The following HORMAD1 variants were observed in gnomAD, a reference collection of about 807,000 sequenced individuals.
HORMAD1 encodes the protein HORMA domain containing 1.
In HORMAD1, 33 loss-of-function variants were observed where a neutral mutation model predicts 58.2. The observed-to-expected ratio is 0.57, with a 90% confidence interval of 0.43 to 0.76. The LOEUF (loss-of-function observed/expected upper bound fraction) is 0.76, where lower values mean the gene tolerates loss of function less well. Among genes scored for constraint, HORMAD1 ranks in the 30% least tolerant of loss-of-function variants. The probability of loss-of-function intolerance (pLI) is 0.00; values close to 1 mark genes in which losing one functional copy is unlikely to be tolerated. For synonymous variants in HORMAD1, 137 were observed against 144.6 expected, an observed-to-expected ratio of 0.95 and a Z score of 0.38; for missense variants, 363 against 462.0, an observed-to-expected ratio of 0.79 and a Z score of 1.96.
At position 150,711,536 on chromosome 1, in the gene HORMAD1, C is replaced by T. The variant is rs1055390488; in HGVS notation, c.327+9G>A. On this transcript the variant is annotated intron_variant, in intron 7 of 14. Transcript: ENST00000361824. ...CATTATGTTTCTTTAGTAACTCAAG[C>T]ACACTTACCTGAGGATCTTCTGGGT... is the stretch of plus-strand genomic sequence containing the variant. 1 of 1,588,868 alleles carries T rather than the reference C, an allele frequency of 6.3e-7. No individual in the cohort carries two copies. The highest frequency in any genetic ancestry group is 8.6e-7 in the Non-Finnish European group (1 of 1,157,934).
chr1:150,706,641 G>A lies in HORMAD1; in HGVS notation c.716C>T (p.Thr239Ile). The A allele has an allele frequency of 6.2e-7, 1 of 1,612,994 alleles. No individual in the cohort carries two copies. Among genetic ancestry groups the A allele is most frequent in the Non-Finnish European group, 8.5e-7 (1 of 1,179,504 alleles). ...TTTTATTTGTTTTGGTGATAGTATA[G>A]TTGAGTCAATATTTTCCATTCGTTC... ...ERERMENIDS[T>I]ILSPKQIKTP... is the part of the protein sequence containing the mutation. Residue 239 changes from threonine to isoleucine, a missense_variant, in exon 10 of 15, where the codon ACT (threonine) becomes ATT (isoleucine). Thr to Ile is a moderately conservative substitution (Grantham distance 89). Around this residue, in one of 3 missense-constraint regions of HORMAD1, gnomAD observed 226 missense variants for 257.8 expected, o/e 0.88. Transcript: ENST00000361824.
chr1:150,719,426 A>C, intron 2 of HORMAD1, 47 bp downstream of exon 2: 2 of 1,230,438 alleles, frequency 1.6e-6, no homozygotes, highest in Non-Finnish European at 2.4e-6. Flanking sequence ...TCAAGAAACA[A>C]TAAAAGCAGC....
rs1044912594 is a variant in HORMAD1, at chr1:150,700,113, A to G, written c.1103T>C (p.Ile368Thr). The G allele has an allele frequency of 4.8e-6, 7 of 1,448,518 alleles. No individual in the cohort carries two copies. The Middle Eastern group carries it at 5.2e-4, about 108-fold the overall frequency. 89.7% of individuals were successfully genotyped at this position (1,448,518 alleles called of 1,614,324 possible). ...RKRSQHESGR[I>T]VLHHFDSSSQ... is the part of the protein sequence containing the mutation. ...ACTATACATTATCATAAGACTTACT[A>G]TTCTCCCAGATTCATGTTGACTTCT... is the stretch of plus-strand genomic sequence containing the variant. Residue 368 changes from isoleucine (I) to threonine (T), a missense_variant and splice_region_variant, in exon 14 of 15, where the codon ATA becomes ACA. Around this residue, in one of 3 missense-constraint regions of HORMAD1, gnomAD observed 226 missense variants for 257.8 expected, o/e 0.88. Coordinates refer to ENST00000361824, the MANE Select transcript of HORMAD1 (RefSeq NM_032132.5).
At chr1:150,704,097 A>G in intron 12 of HORMAD1, 21 bp downstream of exon 12, 1 of 1,516,520 alleles carries the variant, frequency 6.6e-7, no homozygotes, top group South Asian at 1.2e-5. Flanking sequence ...CAAAAGTGAG[A>G]TGAAACTATC....
Position 150,700,106 on chromosome 1 carries a change from A to G in HORMAD1, c.1104+6T>C, listed in dbSNP as rs2101837103. The G allele has an allele frequency of 2.2e-6, 3 of 1,365,398 alleles. No individual in the cohort carries two copies. Among genetic ancestry groups the G allele is most frequent in the Non-Finnish European group, 3.1e-6 (3 of 954,054 alleles). 84.6% of individuals were successfully genotyped at this position (1,365,398 alleles called of 1,614,324 possible). On this transcript the variant is annotated splice_donor_region_variant and intron_variant, in intron 14 of 14. Coordinates refer to ENST00000361824, the MANE Select transcript of HORMAD1 (RefSeq NM_032132.5). ...TATTCAAACTATACATTATCATAAG[A>G]CTTACTATTCTCCCAGATTCATGTT...
chr1:150,712,985 C>T (rs1436711711), intron 5 of HORMAD1, among the ~76,000 whole-genome samples: 1 of 152,158 alleles, frequency 6.6e-6, no homozygotes, highest in African/African-American at 2.4e-5. Context: ...GTTATTCTCC[C>T]CCACTGGACA....
In HORMAD1 at chr1:150,701,212, T is replaced by C. The variant is rs1221835260; in HGVS notation, c.1033-1029A>G. Among the ~76,000 whole-genome samples, 4 of 152,196 alleles carry C rather than the reference T, an allele frequency of 2.6e-5. No homozygotes were observed. In the East Asian group the frequency reaches 7.7e-4, roughly 29 times the overall value. ...TACATTACAAGGAGATCTTGCTTAA[T>C]AATTTTTAAAATGCTGGTCTCTATC... is the stretch of plus-strand genomic sequence containing the variant. On this transcript the variant is annotated intron_variant, in intron 13 of 14. Transcript: ENST00000361824.
rs765895617 is a variant in HORMAD1, at chr1:150,708,414, G to A, written c.396-7C>T. On this transcript the variant is annotated splice_polypyrimidine_tract_variant and splice_region_variant and intron_variant, in intron 8 of 14. Coordinates refer to ENST00000361824, the MANE Select transcript of HORMAD1 (RefSeq NM_032132.5). ...TTCGTTGCTTTGGTTTTTACTAGAA[G>A]AGAATCACATATTAATTTATTTTAT... 6.4e-7 allele frequency: 1 copy of A among 1,560,934 alleles called. No individual in the cohort carries two copies. The highest frequency in any genetic ancestry group is 1.9e-5 in the Admixed American group (1 of 53,150).
At chr1:150,714,278 A>C (rs868566620) in intron 4 of HORMAD1, among the ~76,000 whole-genome samples, 157 bp from the exon 5 acceptor site, 1 of 152,310 alleles carries the variant, frequency 6.6e-6, no homozygotes, top group South Asian at 2.1e-4. Flanking sequence ...CAAAACATAA[A>C]AAACAATGTG....
chr1:150,716,033 G>T (rs587716526), intron 3 of HORMAD1, among the ~76,000 whole-genome samples: 1 of 151,518 alleles, frequency 6.6e-6, no homozygotes, highest in Non-Finnish European at 1.5e-5. Flanking sequence ...AATAAAATGT[G>T]GTACAGCCAT....
chr1:150,719,424 C>T, intron 2 of HORMAD1, 49 bp downstream of exon 2: 1 of 1,189,546 alleles, frequency 8.4e-7, no homozygotes, highest in Non-Finnish European at 1.2e-6. Flanking sequence ...CTTCAAGAAA[C>T]AATAAAAGCA....
chr1:150,709,181 G>A (rs1376585127), intron 7 of HORMAD1, among the ~76,000 whole-genome samples: 1 of 152,174 alleles, frequency 6.6e-6, no homozygotes, highest in Non-Finnish European at 1.5e-5. Context: ...TCATTGTAAT[G>A]TATGTTATTG....
chr1:150,700,147 T>C lies in HORMAD1; in HGVS notation c.1069A>G (p.Asn357Asp). 1 of 1,582,754 alleles carries C rather than the reference T, an allele frequency of 6.3e-7. No homozygotes were observed. Among genetic ancestry groups the C allele is most frequent in the Non-Finnish European group, 8.7e-7 (1 of 1,152,076 alleles). ...GNQPVKSSKE[N>D]RKRSQHESGR... is the part of the protein sequence containing the mutation. ...GATTCATGTTGACTTCTCTTCCGAT[T>C]TTCTTTGGAAGATTTTACTGGTTGA... is the stretch of plus-strand genomic sequence containing the variant. The change falls in exon 14 of 15, where the codon AAT becomes GAT. Residue 357 changes from asparagine to aspartate, a missense_variant. Physicochemically the swap from Asn to Asp is conservative, Grantham distance 23 (BLOSUM62 1). Around this residue, in one of 3 missense-constraint regions of HORMAD1, gnomAD observed 226 missense variants for 257.8 expected, o/e 0.88. Coordinates refer to ENST00000361824, the MANE Select transcript of HORMAD1 (RefSeq NM_032132.5).
chr1:150,720,553 G>T (rs1652219726), intron 1 of HORMAD1, among the ~76,000 whole-genome samples: 1 of 152,082 alleles, frequency 6.6e-6, no homozygotes, highest in East Asian at 1.9e-4. Flanking sequence ...TACTAAAGAG[G>T]CAAACTTCAT....
At chr1:150,705,283 T>C (rs1261610029) in intron 10 of HORMAD1, among the ~76,000 whole-genome samples, 4 of 152,170 alleles carry the variant, frequency 2.6e-5, no homozygotes, top group African/African-American at 4.8e-5. Flanking sequence ...CCCAGCACTT[T>C]GGGAGGCACA....
At position 150,714,633 on chromosome 1, in the gene HORMAD1, G is replaced by T; in HGVS notation, c.224C>A (p.Ser75Tyr). The T allele has an allele frequency of 1.3e-6, 2 of 1,520,300 alleles. No homozygotes were observed. The highest frequency in any genetic ancestry group is 1.8e-6 in the Non-Finnish European group (2 of 1,113,212). 94.2% of individuals were successfully genotyped at this position (1,520,300 alleles called of 1,614,324 possible). ...ILREDKNCPG[S>Y]TQLVKWMLGC... ...TACTTGCCATTTCACTAACTGTGTA[G>T]ATCCTGGGCAATTTTTATCTTCTCT... Residue 75 changes from serine (S) to tyrosine (Y), a missense_variant, in exon 4 of 15, where the codon TCT (serine) becomes TAT (tyrosine). Around this residue, in one of 3 missense-constraint regions of HORMAD1, gnomAD observed 128 missense variants for 171.8 expected, o/e 0.74. Coordinates refer to ENST00000361824, the MANE Select transcript of HORMAD1 (RefSeq NM_032132.5).
chr1:150,710,021 A>G (rs992118141), intron 7 of HORMAD1, among the ~76,000 whole-genome samples: 1 of 152,178 alleles, frequency 6.6e-6, no homozygotes, highest in Non-Finnish European at 1.5e-5. Context: ...AAAATAATGA[A>G]GATAATAATC....
chr1:150,698,567 A>G lies in HORMAD1; in HGVS notation c.*87T>C, dbSNP rs1651440502. 2.9e-6 allele frequency: 2 copies of G among 691,478 alleles called. No individual in the cohort carries two copies. Among genetic ancestry groups the G allele is most frequent in the African/African-American group, 3.7e-5 (2 of 54,614 alleles). The allele number at this position is 691,478 out of a possible 1,614,324, so 42.8% of individuals were successfully genotyped here. A position where few individuals can be genotyped will look rare whatever the true frequency, so the allele number is the denominator to read the frequency against. Reference sequence around the variant, plus strand: ...ACAAACTGCTTTAAACTACATATACATCTTCAGAGTTAGGGAAATATAATA... The same window carrying G: ...ACAAACTGCTTTAAACTACATATACGTCTTCAGAGTTAGGGAAATATAATA... On this transcript the variant is annotated 3_prime_UTR_variant, in exon 15 of 15. Transcript: ENST00000361824.
At chr1:150,713,055 T>G (rs1031767133) in intron 5 of HORMAD1, among the ~76,000 whole-genome samples, 4 of 152,186 alleles carry the variant, frequency 2.6e-5, no homozygotes, top group Admixed American at 2.0e-4. Context: ...CTTCCAATTC[T>G]TTGCATTTGC....
Sources: allele counts gnomAD v4.1 joint callset (sites outside exome capture counted in the v4.1 genomes callset), GRCh38; gene constraint gnomAD v4.1.1; regional missense constraint gnomAD v4.1.1; transcripts MANE v1.5; gene names NCBI Gene and HGNC (gene_info 2026-07-23, HGNC 2026-07-21).